LRFN5: variants seen among roughly 807,000 people sequenced by gnomAD.
LRFN5 encodes the protein leucine rich repeat and fibronectin type III domain containing 5, also known as leucine-rich repeat and fibronectin type-III domain-containing protein 5.
In LRFN5, 24 loss-of-function variants were observed where a neutral mutation model predicts 45.6. The ratio of observed to expected loss-of-function variants is 0.53; its 90% CI spans 0.38 to 0.74. LRFN5 has a LOEUF of 0.74. Ranked by LOEUF, LRFN5 falls within the 30% of genes least tolerant of loss-of-function variation. LRFN5 has a pLI of 0.00. For synonymous variants in LRFN5, 340 were observed against 313.8 expected, an observed-to-expected ratio of 1.08 and a Z score of -0.88; for missense variants, 776 against 861.5, an observed-to-expected ratio of 0.90 and a Z score of 1.24.
At chr14:41,707,154 T>C (rs1376013232) in intron 1 of LRFN5, among the ~76,000 whole-genome samples, 1 of 152,232 alleles carries the variant, frequency 6.6e-6, no homozygotes, top group Non-Finnish European at 1.5e-5. Flanking sequence ...TGTTTTACAT[T>C]GTTGGAAGAA....
At chr14:41,765,844 A>AT (rs1170325856) in intron 1 of LRFN5, among the ~76,000 whole-genome samples, 1 of 152,172 alleles carries the variant, frequency 6.6e-6, no homozygotes, top group African/African-American at 2.4e-5. Flanking sequence ...CCATATCAGT[A>AT]TTAAATTAAG....
At chr14:41,744,007 A>C (rs1884815223) in intron 1 of LRFN5, among the ~76,000 whole-genome samples, 1 of 152,104 alleles carries the variant, frequency 6.6e-6, no homozygotes, top group Non-Finnish European at 1.5e-5. Flanking sequence ...GAGGATGTTA[A>C]ATTCAATCAT....
At chr14:41,874,273 C>G (rs1375480736) in intron 2 of LRFN5, among the ~76,000 whole-genome samples, 1 of 152,120 alleles carries the variant, frequency 6.6e-6, no homozygotes. Context: ...GCATTAAATT[C>G]AGGTTGGAAT....
At chr14:41,675,110 C>T (rs1383517855) in intron 1 of LRFN5, among the ~76,000 whole-genome samples, 3 of 151,836 alleles carry the variant, frequency 2.0e-5, no homozygotes, top group Admixed American at 1.3e-4. Context: ...ACGCTCCTCA[C>T]TTTCCAGACT....
chr14:41,814,806 G>A (rs1454302147), intron 2 of LRFN5, among the ~76,000 whole-genome samples: 1 of 152,108 alleles, frequency 6.6e-6, no homozygotes, highest in Non-Finnish European at 1.5e-5. Flanking sequence ...TTTAGTGTTG[G>A]GTGGTGGGTG....
At chr14:41,826,298 T>G (rs954439985) in intron 2 of LRFN5, among the ~76,000 whole-genome samples, 1 of 152,208 alleles carries the variant, frequency 6.6e-6, no homozygotes, top group Non-Finnish European at 1.5e-5. Context: ...AAACTAGCCT[T>G]GTACCATACT....
intron 2 of LRFN5, among the ~76,000 whole-genome samples, chr14:41,880,069 A>C (rs929814199): frequency 2.0e-5 from 3 of 151,488 alleles, no homozygotes; most frequent in Admixed American, 2.0e-4. Context: ...CTGGGACTAC[A>C]GGCACCCACC....
intron 4 of LRFN5, among the ~76,000 whole-genome samples, chr14:41,897,363 G>A (rs1315613962): frequency 1.3e-5 from 2 of 151,730 alleles, no homozygotes; most frequent in Non-Finnish European, 2.9e-5. Flanking sequence ...GGTACACTTA[G>A]AATGATTGTC....
intron 1 of LRFN5, among the ~76,000 whole-genome samples, chr14:41,724,892 G>A (rs986481555): frequency 5.3e-5 from 8 of 151,918 alleles, no homozygotes; most frequent in Non-Finnish European, 1.0e-4. Context: ...TTTGGTAATC[G>A]GTTACTACCT....
At chr14:41,706,591 C>T (rs1883077587) in intron 1 of LRFN5, among the ~76,000 whole-genome samples, 1 of 152,142 alleles carries the variant, frequency 6.6e-6, no homozygotes, top group Admixed American at 6.5e-5. Context: ...TATGTCTTCT[C>T]ACTCAGGCCA....
chr14:41,720,581 T>C (rs1883675373), intron 1 of LRFN5, among the ~76,000 whole-genome samples: 1 of 152,128 alleles, frequency 6.6e-6, no homozygotes, highest in East Asian at 1.9e-4. Context: ...GTTTGTTGTG[T>C]CTCTGTTTAC....
At position 41,817,542 on chromosome 14, in the gene LRFN5, A is replaced by C. The variant is rs567088801; in HGVS notation, c.-21+50513A>C. ...TTCTGCCACTCTATAAGACAGGATGACTAGAGGGGTCCACAGTTGGGTATT... is the reference window on the plus strand; with the variant it reads ...TTCTGCCACTCTATAAGACAGGATGCCTAGAGGGGTCCACAGTTGGGTATT... On this transcript the variant is annotated intron_variant, in intron 2 of 5. Coordinates refer to ENST00000298119, the MANE Select transcript of LRFN5 (RefSeq NM_152447.5). 3.3e-5 allele frequency among the ~76,000 whole-genome samples: 5 copies of C among 152,214 alleles called. No homozygotes were observed. In the South Asian group the frequency reaches 1.0e-3, roughly 32 times the overall value.
intron 1 of LRFN5, among the ~76,000 whole-genome samples, chr14:41,706,792 AAATAAT>A (rs534120826): frequency 8.0e-4 from 122 of 152,316 alleles, no homozygotes; most frequent in Non-Finnish European, 1.5e-3. Flanking sequence ...AAAACACTGT[AAATAAT>A]AGTATGTAAA....
At chr14:41,759,100 G>T (rs1054135058) in intron 1 of LRFN5, among the ~76,000 whole-genome samples, 6 of 151,882 alleles carry the variant, frequency 4.0e-5, no homozygotes, top group Non-Finnish European at 8.8e-5. Flanking sequence ...CCATTAGGAT[G>T]GTACATTTTA....
chr14:41,861,105 C>T (rs140531462), intron 2 of LRFN5, among the ~76,000 whole-genome samples: 1 of 152,116 alleles, frequency 6.6e-6, no homozygotes, highest in Non-Finnish European at 1.5e-5. Flanking sequence ...AATATGTTAT[C>T]TCCCAGGTTT....
intron 2 of LRFN5, among the ~76,000 whole-genome samples, chr14:41,883,262 A>G (rs1221691982): frequency 6.6e-6 from 1 of 152,074 alleles, no homozygotes; most frequent in Non-Finnish European, 1.5e-5. Flanking sequence ...TTTATAGCTT[A>G]TCCAGCTTAT....
chr14:41,800,574 T>G (rs1887292518), intron 2 of LRFN5, among the ~76,000 whole-genome samples: 1 of 151,796 alleles, frequency 6.6e-6, no homozygotes, highest in Admixed American at 6.6e-5. Context: ...GGCAAAAAAC[T>G]CATTACTACT....
chr14:41,737,800 G>A (rs534096010), intron 1 of LRFN5, among the ~76,000 whole-genome samples: 3 of 152,022 alleles, frequency 2.0e-5, no homozygotes, highest in African/African-American at 7.2e-5. Context: ...GGGATGTGAA[G>A]GACTTCTTCA....
rs914212982 is a variant in LRFN5 at position 41,671,617 on chromosome 14, GT to G, written c.-197+63075del. Among the ~76,000 whole-genome samples, 126 of 78,022 alleles carry G rather than the reference GT, an allele frequency of 1.6e-3. 4 individuals carry two copies. The South Asian group carries it at 0.017, about 10-fold the overall frequency. 51.2% of individuals were successfully genotyped at this position (78,022 alleles called of 152,430 possible). A position where few individuals can be genotyped will look rare whatever the true frequency, so the allele number is the denominator to read the frequency against. ...TGTGGAGGAGAGATTTTTTTTTTTC[GT>G]TTTTTTTTTTTTTTTTTTTACGGAG... is the stretch of plus-strand genomic sequence containing the variant. On this transcript the variant is annotated intron_variant, in intron 1 of 5. Transcript: ENST00000298119.
Sources: gnomAD v4.1 joint callset for allele counts (sites outside exome capture counted in the v4.1 genomes callset) on GRCh38, gnomAD v4.1.1 for gene constraint, MANE v1.5 for transcripts, NCBI Gene and HGNC (gene_info 2026-07-23, HGNC 2026-07-21) for gene names.